Variants in CLYBL observed in about 807,000 individuals in gnomAD.
CLYBL encodes the protein citramalyl-CoA lyase.
A neutral mutation model predicts 38.9 loss-of-function variants in CLYBL; 31 were observed. The ratio of observed to expected loss-of-function variants is 0.80; its 90% CI spans 0.60 to 1.08. The LOEUF is 1.08. Among genes scored for constraint, CLYBL ranks in the 50% least tolerant of loss-of-function variants. CLYBL has a pLI of 0.00. For missense variants in CLYBL, 434 were observed against 411.6 expected, an observed-to-expected ratio of 1.05 and a Z score of -0.47; for synonymous variants, 171 against 158.6, an observed-to-expected ratio of 1.08 and a Z score of -0.59.
At chr13:99,668,072 G>T (rs933730928) in intron 1 of CLYBL, among the ~76,000 whole-genome samples, 4 of 152,092 alleles carry the variant, frequency 2.6e-5, no homozygotes, top group African/African-American at 9.7e-5. Context: ...TCAGAAGTTC[G>T]AGAACAGCCT....
intron 7 of CLYBL, among the ~76,000 whole-genome samples, chr13:99,871,917 A>G (rs1228772013): frequency 2.6e-5 from 4 of 152,044 alleles, no homozygotes; most frequent in South Asian, 4.2e-4. Flanking sequence ...TTTGATACCT[A>G]TAATGCAAAA....
chr13:99,610,121 T>C (rs1566587490), intron 1 of CLYBL, among the ~76,000 whole-genome samples: 1 of 152,226 alleles, frequency 6.6e-6, no homozygotes, highest in Non-Finnish European at 1.5e-5. Flanking sequence ...AAGGGTGGTC[T>C]TGAACTGCTG....
intron 2 of CLYBL, among the ~76,000 whole-genome samples, chr13:99,776,816 G>A (rs970705448): frequency 7.9e-5 from 12 of 151,888 alleles, no homozygotes; most frequent in African/African-American, 2.9e-4. Context: ...CCATTGAGGT[G>A]CTATGATTAC....
chr13:99,734,234 C>T (rs946416866), intron 1 of CLYBL, among the ~76,000 whole-genome samples: 1 of 152,010 alleles, frequency 6.6e-6, no homozygotes, highest in Non-Finnish European at 1.5e-5. Context: ...TGTGATCACA[C>T]AAAGAGCAGA....
chr13:99,891,698 G>A (rs2052494390), intron 8 of CLYBL: 1 of 298,368 alleles, frequency 3.4e-6, no homozygotes, highest in Admixed American at 4.8e-5. Context: ...GGGGAAAGAT[G>A]GGCTGTGAGG....
intron 2 of CLYBL, among the ~76,000 whole-genome samples, chr13:99,856,233 A>T (rs2139187777): frequency 6.6e-6 from 1 of 152,336 alleles, no homozygotes. Flanking sequence ...AGTCCCTTCA[A>T]ATCCAAGTGA....
chr13:99,717,527 T>A (rs2048336449), intron 1 of CLYBL, among the ~76,000 whole-genome samples: 1 of 151,662 alleles, frequency 6.6e-6, no homozygotes, highest in Non-Finnish European at 1.5e-5. Context: ...TGGCACGATC[T>A]CAGTTCACTG....
intron 1 of CLYBL, among the ~76,000 whole-genome samples, chr13:99,703,220 C>T (rs1303746142): frequency 6.6e-6 from 1 of 152,172 alleles, no homozygotes; most frequent in Non-Finnish European, 1.5e-5. Flanking sequence ...TTTGGGAGGC[C>T]AAAGCAGGCG....
chr13:99,710,091 A>AT (rs775212556), intron 1 of CLYBL, among the ~76,000 whole-genome samples: 6 of 151,674 alleles, frequency 4.0e-5, no homozygotes, highest in Non-Finnish European at 8.8e-5. Context: ...AGCCCGGCTA[A>AT]TTTTTTGTAT....
chr13:99,686,301 A>C (rs1422065950), intron 1 of CLYBL, among the ~76,000 whole-genome samples: 1 of 152,222 alleles, frequency 6.6e-6, no homozygotes, highest in African/African-American at 2.4e-5. Context: ...CCTGACTCGC[A>C]GGAGCCGGCA....
chr13:99,802,213 G>A (rs1485618326), intron 2 of CLYBL, among the ~76,000 whole-genome samples: 1 of 152,088 alleles, frequency 6.6e-6, no homozygotes, highest in Admixed American at 6.5e-5. Flanking sequence ...TCTCTTCTTG[G>A]TTTGCAAGTG....
intron 1 of CLYBL, among the ~76,000 whole-genome samples, chr13:99,637,961 C>CTTTTTT (rs1566595642): frequency 3.7e-5 from 2 of 53,688 alleles, no homozygotes; most frequent in African/African-American, 1.6e-4. Context: ...GTCAACAGTG[C>CTTTTTT]CTTTTTTTTT....
At chr13:99,850,862 G>T (rs1247560019) in intron 2 of CLYBL, among the ~76,000 whole-genome samples, 1 of 152,184 alleles carries the variant, frequency 6.6e-6, no homozygotes, top group African/African-American at 2.4e-5. Context: ...ATGAAGTTTG[G>T]ATACATGCTG....
intron 1 of CLYBL, among the ~76,000 whole-genome samples, chr13:99,634,398 T>A (rs1171048217): frequency 6.6e-6 from 1 of 152,102 alleles, no homozygotes; most frequent in African/African-American, 2.4e-5. Flanking sequence ...ATAACTTGGA[T>A]CTATAAAAAG....
intron 4 of CLYBL, 40 bp from the exon 5 acceptor site, chr13:99,864,778 G>C (rs764770853): frequency 7.2e-7 from 1 of 1,392,208 alleles, no homozygotes; most frequent in Admixed American, 1.7e-5. Flanking sequence ...TCTGACGCAC[G>C]CGTTTCCGTG....
chr13:99,660,814 G>T (rs2139330794), intron 1 of CLYBL, among the ~76,000 whole-genome samples: 1 of 151,874 alleles, frequency 6.6e-6, no homozygotes, highest in African/African-American at 2.4e-5. Context: ...TCACAGGCAA[G>T]GATATTTAAA....
chr13:99,814,894 A>G lies in CLYBL; in HGVS notation c.249+41884A>G, dbSNP rs1282631764. ...AAAAATCAAAAATTAGCCCAGCATA[A>G]TGGTGCATGCCTGTGGGTCCCAGCT... On this transcript the variant is annotated intron_variant, in intron 2 of 8. Coordinates refer to ENST00000339105, the MANE Select transcript of CLYBL (RefSeq NM_206808.5). 3.3e-5 allele frequency among the ~76,000 whole-genome samples: 5 copies of G among 152,050 alleles called. 1 individual carries two copies. Among genetic ancestry groups the G allele is most frequent in the East Asian group, 1.9e-4 (1 of 5,184 alleles).
intron 9 of CLYBL, among the ~76,000 whole-genome samples, chr13:99,905,438 G>A (rs1432442417): frequency 1.3e-5 from 2 of 152,148 alleles, no homozygotes; most frequent in Admixed American, 6.5e-5. Flanking sequence ...GTTAGTGACT[G>A]GCCAAAAGGG....
At chr13:99,866,215 T>C in intron 5 of CLYBL, 25 bp from the exon 6 acceptor site, 2 of 1,610,920 alleles carry the variant, frequency 1.2e-6, no homozygotes, top group Admixed American at 1.7e-5. Flanking sequence ...AAAGCCTCCT[T>C]TTTCTGTTAA....
Sources: allele counts gnomAD v4.1 joint callset (sites outside exome capture counted in the v4.1 genomes callset), GRCh38; gene constraint gnomAD v4.1.1; transcripts MANE v1.5; gene names NCBI Gene and HGNC (gene_info 2026-07-23, HGNC 2026-07-21).